The following CPA6 variants were observed in gnomAD, a reference collection of about 807,000 sequenced individuals.
CPA6 encodes carboxypeptidase B.
A neutral mutation model predicts 63.3 loss-of-function variants in CPA6; 58 were observed. The observed-to-expected ratio is 0.92, with a 90% CI of 0.74 to 1.14. The LOEUF is 1.14. CPA6 is among the 50% of genes most tolerant of loss of function. The pLI is 0.00. For missense variants in CPA6, 565 were observed against 526.6 expected (o/e 1.07, Z -0.71); for synonymous variants, 185 against 179.0 (o/e 1.03, Z -0.27).
intron 2 of CPA6, among the ~76,000 whole-genome samples, chr8:67,598,457 A>T (rs1454668237): frequency 6.6e-6 from 1 of 152,208 alleles, no homozygotes; most frequent in Non-Finnish European, 1.5e-5. Flanking sequence ...TATATATTGT[A>T]AAATTAATTT....
intron 2 of CPA6, among the ~76,000 whole-genome samples, chr8:67,518,535 C>T (rs1364059315): frequency 1.1e-4 from 14 of 127,872 alleles, no homozygotes; most frequent in African/African-American, 2.7e-4. Context: ...GAGACAGAGT[C>T]TTTCTCTGTC....
chr8:67,479,165 C>A (rs1324602171), intron 8 of CPA6, among the ~76,000 whole-genome samples: 1 of 152,152 alleles, frequency 6.6e-6, no homozygotes, highest in Non-Finnish European at 1.5e-5. Flanking sequence ...CAAGTCCAGA[C>A]CCACCAAAGA....
chr8:67,725,410 G>A (rs1463553211), intron 1 of CPA6, among the ~76,000 whole-genome samples: 1 of 152,180 alleles, frequency 6.6e-6, no homozygotes, highest in African/African-American at 2.4e-5. Flanking sequence ...GGAACTTTGA[G>A]ATCATCATCA....
At chr8:67,444,656 T>TG (rs113395879) in intron 8 of CPA6, among the ~76,000 whole-genome samples, 36,468 of 145,762 alleles carry the variant, frequency 0.25, 4,942 homozygotes, top group African/African-American at 0.37. Flanking sequence ...TTGTGGCGGG[T>TG]CCTGCAATCC....
At chr8:67,625,129 A>C (rs941807102) in intron 1 of CPA6, among the ~76,000 whole-genome samples, 26 of 152,138 alleles carry the variant, frequency 1.7e-4, no homozygotes, top group African/African-American at 5.6e-4. Flanking sequence ...GGGGTCTTGC[A>C]TCTCACTGTC....
chr8:67,590,338 C>T (rs375930553), intron 2 of CPA6, among the ~76,000 whole-genome samples: 137 of 151,544 alleles, frequency 9.0e-4, no homozygotes, highest in Middle Eastern at 3.4e-3. Flanking sequence ...TGAATAGTGC[C>T]GCAATAAACA....
intron 1 of CPA6, among the ~76,000 whole-genome samples, chr8:67,639,139 G>A (rs143417970): frequency 1.9e-4 from 29 of 151,752 alleles, no homozygotes; most frequent in African/African-American, 3.4e-4. Flanking sequence ...TAGTGCAGGG[G>A]TTGGAAAGTT....
intron 8 of CPA6, among the ~76,000 whole-genome samples, chr8:67,475,336 G>T (rs534168353): frequency 2.6e-5 from 4 of 152,216 alleles, no homozygotes; most frequent in Non-Finnish European, 4.4e-5. Context: ...TTCTAAGTGT[G>T]TTAATGTCTA....
chr8:67,596,033 C>T (rs530134943), intron 2 of CPA6, among the ~76,000 whole-genome samples: 2 of 152,308 alleles, frequency 1.3e-5, no homozygotes, highest in South Asian at 4.1e-4. Flanking sequence ...TTGGCTCCTC[C>T]CCCCAGTGTT....
chr8:67,477,639 G>C (rs1166727316), intron 8 of CPA6, among the ~76,000 whole-genome samples: 2 of 152,146 alleles, frequency 1.3e-5, no homozygotes, highest in Admixed American at 6.5e-5. Flanking sequence ...CACTAACAGA[G>C]CTGGCAGGAG....
At chr8:67,664,182 G>A (rs4737240) in intron 1 of CPA6, among the ~76,000 whole-genome samples, 62,550 of 152,070 alleles carry the variant, frequency 0.41, 14,847 homozygotes, top group African/African-American at 0.66. Flanking sequence ...GCGACCAGCA[G>A]AAACTAAGAC....
chr8:67,714,842 A>G (rs1359691172), intron 1 of CPA6, among the ~76,000 whole-genome samples: 1 of 152,162 alleles, frequency 6.6e-6, no homozygotes, highest in Non-Finnish European at 1.5e-5. Context: ...TGTGCATCCA[A>G]TACTGTTGGG....
In CPA6 at chr8:67,607,177, CTTCTTCTTCTTCTTCTTCTTCTTCTTCT is replaced by C. The variant is rs1814671996; in HGVS notation, c.192+16971_192+16998del. Among the ~76,000 whole-genome samples the C allele has an allele frequency of 4.7e-4, 6 of 12,798 alleles. 1 individual carries two copies. The highest frequency in any genetic ancestry group is 1.9e-3 in the African/African-American group (5 of 2,574). The allele number at this position is 12,798 out of a possible 152,430, so 8.4% of individuals were successfully genotyped here. On this transcript the variant is annotated intron_variant, in intron 2 of 10. Coordinates refer to ENST00000297770, the MANE Select transcript of CPA6 (RefSeq NM_020361.5). ...TCCTCTTCTTCTTCTTCCTCTTCTT[CTTCTTCTTCTTCTTCTTCTTCTTCTTCT>C]TCTTCTTCTTCTTCTTCTTCTTCTT...
chr8:67,739,141 C>T (rs758809989), intron 1 of CPA6, among the ~76,000 whole-genome samples: 1 of 152,142 alleles, frequency 6.6e-6, no homozygotes, highest in Non-Finnish European at 1.5e-5. Flanking sequence ...TGAAACAATC[C>T]TCCTTCTACT....
chr8:67,728,856 G>C (rs922938596), intron 1 of CPA6, among the ~76,000 whole-genome samples: 4 of 152,180 alleles, frequency 2.6e-5, no homozygotes, highest in African/African-American at 9.7e-5. Context: ...GGAGCTGGTG[G>C]TCCGAACCTT....
intron 2 of CPA6, among the ~76,000 whole-genome samples, chr8:67,573,121 A>G (rs1813528594): frequency 6.6e-6 from 1 of 152,258 alleles, no homozygotes; most frequent in African/African-American, 2.4e-5. Flanking sequence ...TAAAATGTAT[A>G]TAAACACAAT....
chr8:67,609,502 G>T (rs745461564), intron 2 of CPA6, among the ~76,000 whole-genome samples: 1 of 152,096 alleles, frequency 6.6e-6, no homozygotes, highest in African/African-American at 2.4e-5. Flanking sequence ...GAAAGTCAAC[G>T]TTGAATATAT....
intron 1 of CPA6, among the ~76,000 whole-genome samples, chr8:67,721,186 G>T (rs1445675230): frequency 6.6e-6 from 1 of 152,170 alleles, no homozygotes; most frequent in African/African-American, 2.4e-5. Context: ...GAGCACTCTG[G>T]CTACGCCCAT....
At chr8:67,639,417 T>A (rs72657265) in intron 1 of CPA6, among the ~76,000 whole-genome samples, 6,762 of 151,610 alleles carry the variant, frequency 0.045, 242 homozygotes, top group South Asian at 0.095. Context: ...TGAATGAATG[T>A]GGGGTCCAGC....
Sources: allele counts gnomAD v4.1 joint callset (sites outside exome capture counted in the v4.1 genomes callset), GRCh38; gene constraint gnomAD v4.1.1; transcripts MANE v1.5; gene names NCBI Gene and HGNC (gene_info 2026-07-23, HGNC 2026-07-21).